CASP5: variants seen among roughly 807,000 people sequenced by gnomAD.
CASP5 encodes the protein caspase-5.
Under a neutral mutation model 45.2 loss-of-function variants are expected in CASP5, and 42 were observed. That is an observed-to-expected ratio of 0.93 (90% CI 0.73 to 1.20). CASP5 has a LOEUF of 1.20. Ranked by LOEUF, CASP5 falls within the 50% of genes most tolerant of loss-of-function variation. The pLI is 0.00. For missense variants in CASP5, 512 were observed against 532.2 expected (o/e 0.96, Z 0.37); for synonymous variants, 209 against 186.2 (o/e 1.12, Z -1.00).
At chr11:105,000,813 A>C (rs1861689371) in intron 5 of CASP5, among the ~76,000 whole-genome samples, 1 of 152,100 alleles carries the variant, frequency 6.6e-6, no homozygotes. Flanking sequence ...AACAAGAGTC[A>C]TGTGTTATAA....
At chr11:105,010,524 A>G (rs1862301370) in intron 1 of CASP5, among the ~76,000 whole-genome samples, 1 of 140,134 alleles carries the variant, frequency 7.1e-6, no homozygotes, top group Non-Finnish European at 1.7e-5. Flanking sequence ...TATTATTATT[A>G]TATCATATCA....
chr11:104,998,211 G>A (rs1424254656), intron 7 of CASP5, among the ~76,000 whole-genome samples: 3 of 152,102 alleles, frequency 2.0e-5, no homozygotes, highest in East Asian at 3.9e-4. Context: ...AACTTATTGA[G>A]TTGCATACAT....
chr11:104,998,681 A>G (rs548220199), intron 7 of CASP5, among the ~76,000 whole-genome samples: 3 of 152,328 alleles, frequency 2.0e-5, no homozygotes, highest in Admixed American at 1.3e-4. Flanking sequence ...AACACTTATA[A>G]TAAAAGTACA....
intron 4 of CASP5, 140 bp from the exon 5 acceptor site, chr11:105,002,341 T>C (rs536627420): frequency 8.7e-5 from 57 of 653,534 alleles, no homozygotes; most frequent in Admixed American, 1.9e-4. Context: ...CCTTCCTCTC[T>C]CTCAAGAGCC....
Position 105,007,178 on chromosome 11 carries a change from A to G in CASP5, c.338T>C (p.Leu113Pro). The change falls in exon 3 of 10, where the codon CTG becomes CCG. Residue 113 changes from leucine (L) to proline (P), a missense_variant. Physicochemically the swap from Leu to Pro is moderately conservative, Grantham distance 98. Coordinates refer to ENST00000260315, the MANE Select transcript of CASP5 (RefSeq NM_004347.5). ...YYDTKIEDKA[L>P]ILVDSLRKNR... ...CTTTCGCAAAGAGTCTACCAAGATC[A>G]GGGCCTTGTCTTCAATTTTGGTATC... 6.8e-6 allele frequency: 11 copies of G among 1,613,816 alleles called. No individual in the cohort carries two copies. The highest frequency in any genetic ancestry group is 8.5e-6 in the Non-Finnish European group (10 of 1,179,728).
At position 105,005,356 on chromosome 11, in the gene CASP5, A is replaced by ATGTGTGTGTG. The variant is rs5794366; in HGVS notation, c.433+1717_433+1726dup. Among the ~76,000 whole-genome samples the ATGTGTGTGTG allele has an allele frequency of 9.8e-3, 1,372 of 139,324 alleles. 6 individuals carry two copies. Among genetic ancestry groups the ATGTGTGTGTG allele is most frequent in the Non-Finnish European group, 0.011 (745 of 65,790 alleles). The allele number at this position is 139,324 out of a possible 152,430, so 91.4% of individuals were successfully genotyped here. A position where few individuals can be genotyped will look rare whatever the true frequency, so the allele number is the denominator to read the frequency against. ...ATCGGTATATAGTGTGTATATATAT[A>ATGTGTGTGTG]TGTGTGTGTGTGTGTGTGTGTGTGT... is the stretch of plus-strand genomic sequence containing the variant. On this transcript the variant is annotated intron_variant, in intron 3 of 9. Transcript: ENST00000260315.
intron 1 of CASP5, among the ~76,000 whole-genome samples, chr11:105,021,431 A>G (rs2134775494): frequency 1.3e-5 from 2 of 148,610 alleles, no homozygotes; most frequent in African/African-American, 4.9e-5. Flanking sequence ...GCTAATATCC[A>G]GAATCTACAA....
At chr11:104,996,846 G>A (rs1243940554) in intron 8 of CASP5, among the ~76,000 whole-genome samples, 1 of 152,156 alleles carries the variant, frequency 6.6e-6, no homozygotes, top group African/African-American at 2.4e-5. Flanking sequence ...TGGGCAAGGA[G>A]TAGCAAACCT....
chr11:105,005,309 T>G (rs1251725618), intron 3 of CASP5, among the ~76,000 whole-genome samples: 1 of 151,876 alleles, frequency 6.6e-6, no homozygotes, highest in African/African-American at 2.4e-5. Context: ...CTTAGGTGGT[T>G]ATCTCCTGAC....
rs1591147065 is a variant in CASP5, at chr11:104,994,294, T to C, written c.*58A>G. 1 of 152,356 alleles carries C rather than the reference T, an allele frequency of 6.6e-6. No homozygotes were observed. Among genetic ancestry groups the C allele is most frequent in the African/African-American group, 2.4e-5 (1 of 41,570 alleles). The allele number at this position is 152,356 out of a possible 1,614,324, so 9.4% of individuals were successfully genotyped here. ...CAAATATTGACTATGCAAGCTATAC[T>C]GGTAAATGTGCTCTTTGATGTTGAC... On this transcript the variant is annotated 3_prime_UTR_variant, in exon 10 of 10. Coordinates refer to ENST00000260315, the MANE Select transcript of CASP5 (RefSeq NM_004347.5).
At chr11:105,020,411 T>C (rs1862887536) in intron 1 of CASP5, among the ~76,000 whole-genome samples, 1 of 150,502 alleles carries the variant, frequency 6.6e-6, no homozygotes, top group South Asian at 2.1e-4. Flanking sequence ...GAAAACCCCA[T>C]TGTCTCAGCC....
At chr11:105,009,924 C>CATATAT (rs1332726005) in intron 1 of CASP5, among the ~76,000 whole-genome samples, 2,212 of 125,130 alleles carry the variant, frequency 0.018, 86 homozygotes, top group African/African-American at 0.063. Flanking sequence ...TATATATACA[C>CATATAT]ACATACACAC....
At chr11:104,998,773 A>G in intron 7 of CASP5, 112 bp downstream of exon 7, 1 of 1,033,390 alleles carries the variant, frequency 9.7e-7, no homozygotes, top group Non-Finnish European at 1.4e-6. Context: ...TATAGAGAGC[A>G]CACACCATTC....
intron 2 of CASP5, among the ~76,000 whole-genome samples, chr11:105,008,389 A>G (rs1263842751): frequency 1.3e-5 from 2 of 152,090 alleles, no homozygotes; most frequent in East Asian, 3.9e-4. Flanking sequence ...ATGCCAGCCA[A>G]CACAATGTTT....
chr11:105,016,847 GGGGCA>G (rs1347966998), intron 1 of CASP5, among the ~76,000 whole-genome samples: 1 of 151,412 alleles, frequency 6.6e-6, no homozygotes, highest in African/African-American at 2.4e-5. Context: ...TCCACCTCTG[GGGGCA>G]GGGCACAGAC....
At chr11:104,995,483 T>A (rs948367280) in intron 9 of CASP5, among the ~76,000 whole-genome samples, 13 of 152,164 alleles carry the variant, frequency 8.5e-5, no homozygotes, top group East Asian at 1.9e-4. Flanking sequence ...ATTATTATTT[T>A]AATAATTACT....
At chr11:105,000,585 T>G (rs1003491502) in intron 5 of CASP5, 90 bp from the exon 6 acceptor site, 2 of 1,186,968 alleles carry the variant, frequency 1.7e-6, no homozygotes, top group Admixed American at 1.9e-5. Context: ...AAGAAACATA[T>G]GTAACATCCG....
intron 1 of CASP5, among the ~76,000 whole-genome samples, chr11:105,009,749 ATATATATATACACACACACACG>A: frequency 5.0e-5 from 4 of 80,542 alleles, no homozygotes; most frequent in African/African-American, 1.1e-4. Flanking sequence ...ATATATATAT[ATATATATATACACACACACACG>A]TATATATATA....
chr11:105,009,752 TATATATAC>T (rs1379254515), intron 1 of CASP5, among the ~76,000 whole-genome samples: 22 of 80,616 alleles, frequency 2.7e-4, no homozygotes, highest in African/African-American at 7.1e-4. Context: ...TATATATATA[TATATATAC>T]ACACACACAC....
Sources: allele counts gnomAD v4.1 joint callset (sites outside exome capture counted in the v4.1 genomes callset), GRCh38; gene constraint gnomAD v4.1.1; transcripts MANE v1.5; gene names NCBI Gene and HGNC (gene_info 2026-07-23, HGNC 2026-07-21).